The following PIGG variants were observed in gnomAD, a reference collection of about 807,000 sequenced individuals.
PIGG encodes the protein GPI ethanolamine phosphate transferase 2, catalytic subunit.
A neutral mutation model predicts 83.2 loss-of-function variants in PIGG; 70 were observed. The observed-to-expected ratio is 0.84, with a 90% CI of 0.69 to 1.03. The LOEUF (loss-of-function observed/expected upper bound fraction) is 1.03. Ranked by LOEUF, PIGG falls within the 50% of genes least tolerant of loss-of-function variation. PIGG has a pLI of 0.00. For missense variants in PIGG, 1,257 were observed against 1,233.6 expected (o/e 1.02, Z -0.28); for synonymous variants, 532 against 519.5 (o/e 1.02, Z -0.33).
chr4:502,580 C>T (rs1211538261), intron 2 of PIGG, among the ~76,000 whole-genome samples: 2 of 152,142 alleles, frequency 1.3e-5, no homozygotes, highest in Non-Finnish European at 2.9e-5. Context: ...TTTTGAATGC[C>T]TTTTCTTTCT....
rs2108736376 is a variant in PIGG at position 499,363 on chromosome 4, A to G, written c.28A>G (p.Thr10Ala). 2 of 1,609,656 alleles carry G rather than the reference A, an allele frequency of 1.2e-6. No homozygotes were observed. Among genetic ancestry groups the G allele is most frequent in the African/African-American group, 1.3e-5 (1 of 75,012 alleles). Residue 10 changes from threonine to alanine, a missense_variant, in exon 1 of 13, where the codon ACC (threonine) becomes GCC (alanine). Thr to Ala is a moderately conservative substitution (Grantham distance 58). Coordinates refer to ENST00000453061, the MANE Select transcript of PIGG (RefSeq NM_001127178.3). ...GCGGCTGGGCTCCGGGACTTTCGCTACCTGTTGCGTAGCGATCGAGGTGCT... is the reference window on the plus strand; with the variant it reads ...GCGGCTGGGCTCCGGGACTTTCGCTGCCTGTTGCGTAGCGATCGAGGTGCT... MRLGSGTFATCCVAIEVLGI... is the reference protein window; with the variant it reads MRLGSGTFAACCVAIEVLGI...
At chr4:522,192 C>T (rs765616354) in intron 8 of PIGG, 1 of 602,526 alleles carries the variant, frequency 1.7e-6, no homozygotes, top group Non-Finnish European at 3.0e-6. Flanking sequence ...AAGCTAGGTT[C>T]CTGCGACTGT....
chr4:499,402 T>C lies in PIGG; in HGVS notation c.67T>C (p.Phe23Leu), dbSNP rs1246522237. 1 of 1,609,676 alleles carries C rather than the reference T, an allele frequency of 6.2e-7. No homozygotes were observed. Among genetic ancestry groups the C allele is most frequent in the Non-Finnish European group, 8.5e-7 (1 of 1,179,918 alleles). Residue 23 changes from phenylalanine (F) to leucine (L), a missense_variant, in exon 1 of 13, where the codon TTC (phenylalanine) becomes CTC (leucine). Coordinates refer to ENST00000453061, the MANE Select transcript of PIGG (RefSeq NM_001127178.3). ...VAIEVLGIAV[F>L]LRGFFPAPVR... ...GATCGAGGTGCTAGGGATCGCGGTC[T>C]TCCTTCGGGGATTCTTCCCGGCTCC...
At position 527,151 on chromosome 4, in the gene PIGG, C is replaced by G; in HGVS notation, c.2182C>G (p.Leu728Val). 1 of 1,614,024 alleles carries G rather than the reference C, an allele frequency of 6.2e-7. No homozygotes were observed. Among genetic ancestry groups the G allele is most frequent in the Non-Finnish European group, 8.5e-7 (1 of 1,179,966 alleles). Residue 728 changes from leucine to valine, a missense_variant, in exon 10 of 13, where the codon CTG (leucine) becomes GTG (valine). Physicochemically the swap from Leu to Val is conservative, Grantham distance 32. Transcript: ENST00000453061. ...PVSKAALALGLLGVYCYRAAI... is the reference protein window; with the variant it reads ...PVSKAALALGVLGVYCYRAAI... ...GTCCAAGGCTGCCCTGGCGCTGGGG[C>G]TGCTGGGCGTCTACTGCTACCGGGC...
chr4:539,402 T>C lies in PIGG; in HGVS notation c.*33T>C. 1 of 1,264,440 alleles carries C rather than the reference T, an allele frequency of 7.9e-7. No individual in the cohort carries two copies. The highest frequency in any genetic ancestry group is 1.1e-6 in the Non-Finnish European group (1 of 880,250). The allele number at this position is 1,264,440 out of a possible 1,614,324, so 78.3% of individuals were successfully genotyped here. A position where few individuals can be genotyped will look rare whatever the true frequency, so the allele number is the denominator to read the frequency against. On this transcript the variant is annotated 3_prime_UTR_variant, in exon 13 of 13. Coordinates refer to ENST00000453061, the MANE Select transcript of PIGG (RefSeq NM_001127178.3). ...TGAACACTGGAAAAATAATACATGC[T>C]TAAAGTCTGCTGTTATTCTAAAATG...
At chr4:520,032 G>A (rs1560326290) in intron 6 of PIGG, among the ~76,000 whole-genome samples, 1 of 152,314 alleles carries the variant, frequency 6.6e-6, no homozygotes, top group South Asian at 2.1e-4. Context: ...GCAGTGGGGC[G>A]GGCCTGCAGG....
At chr4:506,539 T>C (rs558664070) in intron 3 of PIGG, among the ~76,000 whole-genome samples, 1 of 152,334 alleles carries the variant, frequency 6.6e-6, no homozygotes, top group Admixed American at 6.5e-5. Flanking sequence ...GCATCTGTAG[T>C]CCTATCCTGT....
Position 516,111 on chromosome 4 carries a change from A to C in PIGG, c.1040A>C (p.Gln347Pro), listed in dbSNP as rs1372573213. 6.2e-7 allele frequency: 1 copy of C among 1,614,046 alleles called. No homozygotes were observed. The highest frequency in any genetic ancestry group is 8.5e-7 in the Non-Finnish European group (1 of 1,179,888). ...PVVEGRPMRE[Q>P]LRFLHLNTVQ... ...GTGGAAGGAAGACCAATGAGAGAGC[A>C]GTTGAGATTTTTACATTTGAATACA... The change falls in exon 6 of 13, where the codon CAG becomes CCG. Residue 347 changes from glutamine to proline, a missense_variant. By Grantham distance (76) the Gln-to-Pro change is moderately conservative. Coordinates refer to ENST00000453061, the MANE Select transcript of PIGG (RefSeq NM_001127178.3).
intron 12 of PIGG, among the ~76,000 whole-genome samples, chr4:538,142 C>T (rs115915672): frequency 0.016 from 2,309 of 148,916 alleles, 123 homozygotes; most frequent in African/African-American, 0.056. Flanking sequence ...ACACACGTGC[C>T]GACAGGACTG....
intron 9 of PIGG, chr4:525,099 TG>T: frequency 1.3e-6 from 1 of 749,056 alleles, no homozygotes; most frequent in African/African-American, 1.9e-5. Flanking sequence ...GCAGCCTCTG[TG>T]GGCCAGCTTT....
At chr4:507,111 T>C (rs1420581936) in intron 3 of PIGG, among the ~76,000 whole-genome samples, 6 of 152,226 alleles carry the variant, frequency 3.9e-5, no homozygotes, top group African/African-American at 1.4e-4. Flanking sequence ...CTAATGTTCA[T>C]TTATTTATTA....
intron 6 of PIGG, among the ~76,000 whole-genome samples, chr4:516,462 C>G (rs1294597461): frequency 6.6e-6 from 1 of 152,148 alleles, no homozygotes; most frequent in Non-Finnish European, 1.5e-5. Context: ...TTAACAGGCA[C>G]TGGAGACAGA....
intron 5 of PIGG, among the ~76,000 whole-genome samples, chr4:512,820 G>GTGA (rs1560303327): frequency 6.6e-6 from 1 of 151,794 alleles, no homozygotes; most frequent in African/African-American, 2.4e-5. Flanking sequence ...TCTAAAAATA[G>GTGA]TAATAATAAT....
intron 6 of PIGG, among the ~76,000 whole-genome samples, chr4:517,157 C>T (rs188884346): frequency 8.5e-5 from 13 of 152,266 alleles, no homozygotes; most frequent in Admixed American, 2.0e-4. Context: ...TGGTGAGAGC[C>T]AGAGTCTCCC....
chr4:528,544 C>T lies in PIGG; in HGVS notation c.2261+1314C>T, dbSNP rs141370800. 8.5e-5 allele frequency: 84 copies of T among 985,222 alleles called. No homozygotes were observed. Among genetic ancestry groups the T allele is most frequent in the Non-Finnish European group, 5.9e-5 (49 of 829,876 alleles). The allele number at this position is 985,222 out of a possible 1,614,324, so 61.0% of individuals were successfully genotyped here. A position where few individuals can be genotyped will look rare whatever the true frequency, so the allele number is the denominator to read the frequency against. ...AGTGAGAGTGTAGCAGGCCGTCATACGGGGCCGGGGCCTGGGGCAGAGAGG... is the reference window on the plus strand; with the variant it reads ...AGTGAGAGTGTAGCAGGCCGTCATATGGGGCCGGGGCCTGGGGCAGAGAGG... On this transcript the variant is annotated intron_variant, in intron 10 of 12. Transcript: ENST00000453061. This position sits in a 1 kb window ranked among gnomAD's most constrained non-coding sequence, Gnocchi z 4.8.
Position 536,467 on chromosome 4 carries a change from C to T in PIGG, c.2735+2486C>T, listed in dbSNP as rs73794954. Among the ~76,000 whole-genome samples the T allele has an allele frequency of 8.9e-3, 1,362 of 152,356 alleles. 27 individuals are homozygous for T. Among genetic ancestry groups the T allele is most frequent in the African/African-American group, 0.031 (1,300 of 41,580 alleles). On this transcript the variant is annotated intron_variant, in intron 12 of 12. Coordinates refer to ENST00000453061, the MANE Select transcript of PIGG (RefSeq NM_001127178.3). ...CAGCAGAAAGCTGAGGCTCTGCGGG[C>T]GGAAGCCACCAACAGACCAGCTTGG...
intron 5 of PIGG, among the ~76,000 whole-genome samples, chr4:509,945 T>G (rs1721310294): frequency 6.6e-6 from 1 of 152,164 alleles, no homozygotes; most frequent in African/African-American, 2.4e-5. Context: ...AACATCTGCC[T>G]CCACATTACA....
At chr4:507,674 T>C (rs1720238614) in intron 4 of PIGG, 81 bp downstream of exon 4, 9 of 1,233,878 alleles carry the variant, frequency 7.3e-6, no homozygotes, top group Admixed American at 2.3e-5. Flanking sequence ...GCCTGAGTTA[T>C]TCAGGGTGCC....
intron 6 of PIGG, among the ~76,000 whole-genome samples, chr4:519,714 G>A (rs377688057): frequency 6.6e-6 from 1 of 150,990 alleles, no homozygotes; most frequent in African/African-American, 2.4e-5. Flanking sequence ...AGGCGTGTGG[G>A]TTCATGCTTA....
Sources: allele counts gnomAD v4.1 joint callset (sites outside exome capture counted in the v4.1 genomes callset), GRCh38; gene constraint gnomAD v4.1.1; non-coding constraint Gnocchi (gnomAD v3.1); transcripts MANE v1.5; gene names NCBI Gene and HGNC (gene_info 2026-07-23, HGNC 2026-07-21).